ZNF709: variants seen among roughly 807,000 people sequenced by gnomAD.
ZNF709 encodes the protein zinc finger protein 709.
ZNF709 carries 15 observed loss-of-function variants against 10.6 expected under a neutral mutation model. That is an observed-to-expected ratio of 1.41 (90% CI 0.95 to 2.18). The LOEUF is 2.18. Among genes scored for constraint, ZNF709 ranks in the 30% most tolerant of loss-of-function variants. The pLI, the probability that ZNF709 is intolerant of heterozygous loss-of-function variation, is 0.00. For synonymous variants in ZNF709, 194 were observed against 238.8 expected (o/e 0.81, Z 1.73); for missense variants, 589 against 774.0 (o/e 0.76, Z 2.84).
rs975430596 is a variant in ZNF709 at position 12,463,500 on chromosome 19, G to C, written c.*496C>G. On this transcript the variant is annotated 3_prime_UTR_variant, in exon 4 of 4. Transcript: ENST00000397732. Reference sequence around the variant, plus strand: ...TTAAAAGGTCATATGACCATTGAAGGTTTTCCCACACTGCCTACATTCGCA... The same window carrying C: ...TTAAAAGGTCATATGACCATTGAAGCTTTTCCCACACTGCCTACATTCGCA... 1 of 152,290 alleles carries C rather than the reference G, an allele frequency of 6.6e-6. No individual in the cohort carries two copies. Among genetic ancestry groups the C allele is most frequent in the African/African-American group, 2.4e-5 (1 of 41,420 alleles). 9.4% of individuals were successfully genotyped at this position (152,290 alleles called of 1,614,324 possible).
At chr19:12,469,713 G>A (rs1568247177) in intron 1 of ZNF709, among the ~76,000 whole-genome samples, 1 of 152,146 alleles carries the variant, frequency 6.6e-6, no homozygotes, top group Non-Finnish European at 1.5e-5. Flanking sequence ...AGCTTGCAGT[G>A]AGCCGAGATC....
chr19:12,478,147 C>A (rs1266098513), intron 1 of ZNF709, among the ~76,000 whole-genome samples: 1 of 151,956 alleles, frequency 6.6e-6, no homozygotes, highest in Admixed American at 6.6e-5. Flanking sequence ...CATCTAACAG[C>A]TGCCTTTCCC....
At chr19:12,468,611 T>C (rs1415975864) in intron 1 of ZNF709, among the ~76,000 whole-genome samples, 1 of 149,106 alleles carries the variant, frequency 6.7e-6, no homozygotes, top group Non-Finnish European at 1.5e-5. Flanking sequence ...TTCACTTGTT[T>C]ATCTGCTGAC....
rs1216287697 is a variant in ZNF709, at chr19:12,464,221, C to G, written c.1701G>C (p.Lys567Asn). 2 of 1,556,728 alleles carry G rather than the reference C, an allele frequency of 1.3e-6. No individual in the cohort carries two copies. Among genetic ancestry groups the G allele is most frequent in the African/African-American group, 2.8e-5 (2 of 70,790 alleles). Residue 567 changes from lysine (K) to asparagine (N), a missense_variant, in exon 4 of 4, where the codon AAG (lysine) becomes AAC (asparagine). Coordinates refer to ENST00000397732, the MANE Select transcript of ZNF709 (RefSeq NM_152601.4). ...GAACAGAACTAGAACAACTGAAGGC[C>G]TTACCACATTGTTTACACTCATAAG... is the stretch of plus-strand genomic sequence containing the variant. ...EKPYECKQCG[K>N]AFSCSSSVRM...
intron 1 of ZNF709, among the ~76,000 whole-genome samples, chr19:12,482,839 G>C (rs970512969): frequency 6.6e-6 from 1 of 152,084 alleles, no homozygotes; most frequent in Non-Finnish European, 1.5e-5. Context: ...CTGGGCCTTC[G>C]ATTACATCCC....
chr19:12,482,156 A>C (rs10422104), intron 1 of ZNF709, among the ~76,000 whole-genome samples: 33,510 of 128,028 alleles, frequency 0.26, 4,932 homozygotes, highest in Middle Eastern at 0.3. Context: ...CACACACACA[A>C]ACACACACAC....
chr19:12,466,905 T>C (rs867163438), intron 1 of ZNF709, 55 bp from the exon 2 acceptor site: 2 of 1,568,254 alleles, frequency 1.3e-6, no homozygotes, highest in African/African-American at 2.8e-5. Context: ...GCACTGGGGA[T>C]ATAAACTCAG....
chr19:12,479,653 G>A (rs1008401752), intron 1 of ZNF709, among the ~76,000 whole-genome samples: 2 of 152,124 alleles, frequency 1.3e-5, no homozygotes, highest in South Asian at 2.1e-4. Context: ...GGTGGATCGC[G>A]AGATCAGGAA....
Position 12,464,708 on chromosome 19 carries a change from C to G in ZNF709, c.1214G>C (p.Ser405Thr). The G allele has an allele frequency of 6.2e-7, 1 of 1,613,750 alleles. No individual in the cohort carries two copies. The highest frequency in any genetic ancestry group is 8.5e-7 in the Non-Finnish European group (1 of 1,179,892). ...KQCGKAFSCSSSFRMHERTHT... is the reference protein window; with the variant it reads ...KQCGKAFSCSTSFRMHERTHT... Reference sequence around the variant, plus strand: ...AGTTCTTTCATGCATTCGAAAGGAACTGGAACAACTGAAGGCTTTACCACA... The same window carrying G: ...AGTTCTTTCATGCATTCGAAAGGAAGTGGAACAACTGAAGGCTTTACCACA... The change falls in exon 4 of 4, where the codon AGT becomes ACT. Residue 405 changes from serine to threonine, a missense_variant. By Grantham distance (58) the Ser-to-Thr change is moderately conservative. Transcript: ENST00000397732.
intron 1 of ZNF709, among the ~76,000 whole-genome samples, chr19:12,479,617 T>C (rs1970704719): frequency 1.3e-5 from 2 of 152,184 alleles, no homozygotes; most frequent in African/African-American, 4.8e-5. Flanking sequence ...ACGCCTGTAA[T>C]CCTAGCACTT....
chr19:12,472,610 C>T (rs1391602793), intron 1 of ZNF709, among the ~76,000 whole-genome samples: 2 of 151,442 alleles, frequency 1.3e-5, no homozygotes, highest in Non-Finnish European at 2.9e-5. Flanking sequence ...TGGCTGGGCA[C>T]GGTGGCTCAC....
At position 12,464,003 on chromosome 19, in the gene ZNF709, C is replaced by T. The variant is rs773640894; in HGVS notation, c.1919G>A (p.Gly640Glu). 2.7e-6 allele frequency: 4 copies of T among 1,481,688 alleles called. No homozygotes were observed. The highest frequency in any genetic ancestry group is 3.6e-6 in the Non-Finnish European group (4 of 1,117,178). 91.8% of individuals were successfully genotyped at this position (1,481,688 alleles called of 1,614,324 possible). A position where few individuals can be genotyped will look rare whatever the true frequency, so the allele number is the denominator to read the frequency against. ...TTGCTTATATACATAGGGTTACTCT[C>T]CACTATGAACTCTTTCATGTATTCG... Reference protein sequence around the residue: ...SFRIHERVHSGE With the variant: ...SFRIHERVHSEE Residue 640 changes from glycine (G) to glutamate (E), a missense_variant, in exon 4 of 4, where the codon GGA (glycine) becomes GAA (glutamate). Coordinates refer to ENST00000397732, the MANE Select transcript of ZNF709 (RefSeq NM_152601.4).
At chr19:12,470,428 A>G (rs958861137) in intron 1 of ZNF709, among the ~76,000 whole-genome samples, 1 of 152,234 alleles carries the variant, frequency 6.6e-6, no homozygotes, top group Admixed American at 6.5e-5. Flanking sequence ...TTGTTCAAAG[A>G]AATTCCTACT....
At chr19:12,478,172 C>G (rs1970692084) in intron 1 of ZNF709, among the ~76,000 whole-genome samples, 3 of 152,164 alleles carry the variant, frequency 2.0e-5, no homozygotes, top group African/African-American at 7.2e-5. Flanking sequence ...TCTTTTGTCT[C>G]TTTTTCAAAA....
At position 12,475,257 on chromosome 19, in the gene ZNF709, TAAAAAAAAAAAAA is replaced by T. The variant is rs71166684; in HGVS notation, c.4-8420_4-8408del. 1.3e-4 allele frequency among the ~76,000 whole-genome samples: 6 copies of T among 44,732 alleles called. No individual in the cohort carries two copies. In the Admixed American group the frequency reaches 2.1e-3, roughly 16 times the overall value. 29.3% of individuals were successfully genotyped at this position (44,732 alleles called of 152,430 possible). On this transcript the variant is annotated intron_variant, in intron 1 of 3. Transcript: ENST00000397732. ...TGGGCAACAGAGTGAGATTCCGTCTTAAAAAAAAAAAAAAAAAAAAAAAAATCTAAGCATCTAC... is the reference window on the plus strand; with the variant it reads ...TGGGCAACAGAGTGAGATTCCGTCTTAAAAAAAAAAAATCTAAGCATCTAC...
Position 12,464,447 on chromosome 19 carries a change from C to A in ZNF709, c.1475G>T (p.Arg492Leu), listed in dbSNP as rs368016211. The A allele has an allele frequency of 5.0e-6, 8 of 1,611,520 alleles. No individual in the cohort carries two copies. Among genetic ancestry groups the A allele is most frequent in the Non-Finnish European group, 6.8e-6 (8 of 1,178,956 alleles). ...TCCAGTGTGAGTCCTTTCATGCATC[C>A]GAAAGGAACTAGAAAAACTAAAGGC... Reference protein sequence around the residue: ...GKAFSFSSSFRMHERTHTGEK... With the variant: ...GKAFSFSSSFLMHERTHTGEK... The change falls in exon 4 of 4, where the codon CGG (arginine) becomes CTG (leucine). Residue 492 changes from arginine (R) to leucine (L), a missense_variant. Coordinates refer to ENST00000397732, the MANE Select transcript of ZNF709 (RefSeq NM_152601.4).
Position 12,465,010 on chromosome 19 carries a change from T to A in ZNF709, c.912A>T (p.Gly304=). 6.2e-7 allele frequency: 1 copy of A among 1,610,484 alleles called. No individual in the cohort carries two copies. Among genetic ancestry groups the A allele is most frequent in the Admixed American group, 1.7e-5 (1 of 59,082 alleles). The change falls in exon 4 of 4, where the codon GGA becomes GGT. Residue 304 remains glycine (G), a synonymous_variant. Transcript: ENST00000397732. ...ATTTTTTACATTTATAGGGTTTTTC[T>A]CCAGTGTGAATCCTTTCATGACTTC... is the stretch of plus-strand genomic sequence containing the variant. The part of the protein sequence containing the change: ...SFRSHERIHT[G]EKPYKCKKCG...
intron 1 of ZNF709, among the ~76,000 whole-genome samples, chr19:12,467,882 G>A (rs570708264): frequency 1.3e-5 from 2 of 151,856 alleles, no homozygotes; most frequent in African/African-American, 2.4e-5. Flanking sequence ...CACCCTGTCT[G>A]GGAAGTGAGG....
chr19:12,470,686 G>C lies in ZNF709; in HGVS notation c.4-3836C>G, dbSNP rs1970627502. On this transcript the variant is annotated intron_variant, in intron 1 of 3. Coordinates refer to ENST00000397732, the MANE Select transcript of ZNF709 (RefSeq NM_152601.4). ...GCTCACGCTGTAATCCCAGCACTTT[G>C]GGAGGCTGAGGTGGGCGGATCACAA... Among the ~76,000 whole-genome samples the C allele has an allele frequency of 3.3e-5, 5 of 152,200 alleles. No individual in the cohort carries two copies. In the South Asian group the frequency reaches 1.0e-3, roughly 32 times the overall value.
Sources: gnomAD v4.1 joint callset for allele counts (sites outside exome capture counted in the v4.1 genomes callset) on GRCh38, gnomAD v4.1.1 for gene constraint, MANE v1.5 for transcripts, NCBI Gene and HGNC (gene_info 2026-07-23, HGNC 2026-07-21) for gene names.